RIMS2: variants seen among roughly 807,000 people sequenced by gnomAD.
RIMS2 encodes the protein regulating synaptic membrane exocytosis protein 2.
Under a neutral mutation model 174.4 loss-of-function variants are expected in RIMS2, and 59 were observed. The ratio of observed to expected loss-of-function variants is 0.34; its 90% CI spans 0.27 to 0.42. The LOEUF (loss-of-function observed/expected upper bound fraction) is 0.42. Among genes scored for constraint, RIMS2 ranks in the 10% least tolerant of loss-of-function variants. RIMS2 has a pLI of 1.00. For missense variants in RIMS2, 1,620 were observed against 1,666.3 expected (o/e 0.97, Z 0.48); for synonymous variants, 606 against 572.5 (o/e 1.06, Z -0.84).
intron 3 of RIMS2, among the ~76,000 whole-genome samples, chr8:103,864,096 A>T (rs1259540019): frequency 6.6e-6 from 1 of 151,876 alleles, no homozygotes; most frequent in Non-Finnish European, 1.5e-5. Context: ...TTTAGTAAGG[A>T]TGGGGTTTCA....
chr8:104,045,262 T>C (rs2096673580), intron 19 of RIMS2, among the ~76,000 whole-genome samples: 1 of 151,622 alleles, frequency 6.6e-6, no homozygotes, highest in Admixed American at 6.6e-5. Context: ...CCAATTACAG[T>C]CACTACAACA....
intron 2 of RIMS2, among the ~76,000 whole-genome samples, chr8:103,724,014 G>T (rs1316012052): frequency 6.6e-6 from 1 of 152,120 alleles, no homozygotes; most frequent in East Asian, 1.9e-4. Flanking sequence ...TGATACTGGG[G>T]TACCCACTGA....
At chr8:104,101,015 CATATGTAATATATGTT>C (rs1414165348) in intron 19 of RIMS2, among the ~76,000 whole-genome samples, 1 of 131,082 alleles carries the variant, frequency 7.6e-6, no homozygotes, top group African/African-American at 2.9e-5. Flanking sequence ...TGATATATTA[CATATGTAATATATGTT>C]ATATATTATA....
At chr8:103,942,883 A>T (rs566568653) in exon 14 of RIMS2, 17 of 1,613,680 alleles carry the variant, frequency 1.1e-5, no homozygotes, top group Middle Eastern at 1.7e-4. Context: ...CATATATGCC[A>T]CGAAGACAGC....
At chr8:103,653,613 A>G (rs1251064733) in intron 1 of RIMS2, among the ~76,000 whole-genome samples, 1 of 152,144 alleles carries the variant, frequency 6.6e-6, no homozygotes, top group Admixed American at 6.6e-5. Context: ...ATGATGAAAC[A>G]CTCAGAAAAA....
chr8:104,235,884 CA>C (rs1199091175), intron 19 of RIMS2, among the ~76,000 whole-genome samples: 1 of 151,928 alleles, frequency 6.6e-6, no homozygotes, highest in Non-Finnish European at 1.5e-5. Flanking sequence ...AGTTGTCCCC[CA>C]AAAAAATGTT....
chr8:104,126,125 G>A (rs79794162), intron 19 of RIMS2, among the ~76,000 whole-genome samples: 2,696 of 152,104 alleles, frequency 0.018, 133 homozygotes, highest in East Asian at 0.15. Flanking sequence ...GGAAGAAACC[G>A]GTTTTATGTC....
At chr8:103,595,452 A>G (rs1215552185) in intron 1 of RIMS2, among the ~76,000 whole-genome samples, 1 of 151,904 alleles carries the variant, frequency 6.6e-6, no homozygotes, top group East Asian at 1.9e-4. Flanking sequence ...TGTAATAACA[A>G]TAATTGGCTG....
At chr8:104,127,312 C>T (rs1566569622) in intron 19 of RIMS2, among the ~76,000 whole-genome samples, 2 of 152,036 alleles carry the variant, frequency 1.3e-5, no homozygotes, top group Non-Finnish European at 2.9e-5. Flanking sequence ...TAAGGATTCA[C>T]AAAAAAGGAT....
At chr8:103,821,329 A>C (rs763566973) in intron 3 of RIMS2, among the ~76,000 whole-genome samples, 8 of 151,664 alleles carry the variant, frequency 5.3e-5, no homozygotes, top group Non-Finnish European at 1.0e-4. Context: ...GAAGTTTTTA[A>C]TGCTTCTATA....
At chr8:103,972,105 A>G (rs1289179044) in intron 15 of RIMS2, among the ~76,000 whole-genome samples, 3 of 152,080 alleles carry the variant, frequency 2.0e-5, no homozygotes, top group South Asian at 2.1e-4. Context: ...TCCCAAATGT[A>G]TATCTCCAGT....
chr8:103,579,967 C>T (rs2093505892), intron 1 of RIMS2, among the ~76,000 whole-genome samples: 2 of 152,114 alleles, frequency 1.3e-5, no homozygotes, highest in Non-Finnish European at 2.9e-5. Context: ...AGAACTCACT[C>T]ACTATCATGA....
intron 2 of RIMS2, among the ~76,000 whole-genome samples, chr8:103,737,385 C>T (rs1377528963): frequency 6.6e-6 from 1 of 151,684 alleles, no homozygotes; most frequent in Non-Finnish European, 1.5e-5. Context: ...TAGGGTTTCA[C>T]CATGTTGGCC....
At chr8:104,244,725 T>C (rs796963513) in intron 19 of RIMS2, among the ~76,000 whole-genome samples, 191 bp from the exon 26 acceptor site, 3 of 152,334 alleles carry the variant, frequency 2.0e-5, no homozygotes, top group African/African-American at 7.2e-5. Context: ...ACAGATTTTT[T>C]AGAAAATCTT....
chr8:104,013,737 G>A (rs568794536), intron 18 of RIMS2, 116 bp downstream of exon 20: 30 of 738,050 alleles, frequency 4.1e-5, no homozygotes, highest in African/African-American at 1.1e-4. Flanking sequence ...AGTAACAATC[G>A]ATACTAACCT....
chr8:103,667,593 A>G (rs1379759690), intron 1 of RIMS2, among the ~76,000 whole-genome samples: 1 of 152,212 alleles, frequency 6.6e-6, no homozygotes, highest in East Asian at 1.9e-4. Context: ...TTGTCCATAA[A>G]TAAGGTTGGC....
intron 19 of RIMS2, among the ~76,000 whole-genome samples, chr8:104,075,035 G>A (rs186272758): frequency 1.0e-3 from 154 of 152,250 alleles, no homozygotes; most frequent in African/African-American, 3.6e-3. Context: ...TTACAGCAGT[G>A]ATAGAAACAA....
chr8:103,583,030 G>T (rs907076377), intron 1 of RIMS2, among the ~76,000 whole-genome samples: 1 of 152,204 alleles, frequency 6.6e-6, no homozygotes, highest in African/African-American at 2.4e-5. Context: ...CAGTCATAGT[G>T]GTGGTGGCCA....
chr8:103,608,273 C>G (rs1301191892), intron 1 of RIMS2, among the ~76,000 whole-genome samples: 5 of 143,154 alleles, frequency 3.5e-5, no homozygotes, highest in African/African-American at 8.1e-5. Flanking sequence ...AGGTGTCAAT[C>G]TGCCCCTGCT....
Sources: gnomAD v4.1 joint callset for allele counts (sites outside exome capture counted in the v4.1 genomes callset) on GRCh38, gnomAD v4.1.1 for gene constraint, MANE v1.5 for transcripts, NCBI Gene and HGNC (gene_info 2026-07-23, HGNC 2026-07-21) for gene names.